CTNNBL1: variants seen among roughly 807,000 people sequenced by gnomAD.
The protein encoded by CTNNBL1 is catenin beta like 1, also known as beta-catenin-like protein 1.
In CTNNBL1, 31 loss-of-function variants were observed where a neutral mutation model predicts 72.7. The ratio of observed to expected loss-of-function variants is 0.43; its 90% CI spans 0.32 to 0.58. The LOEUF is 0.58. Among genes scored for constraint, CTNNBL1 ranks in the 20% least tolerant of loss-of-function variants. The pLI is 0.08. For missense variants in CTNNBL1, 534 were observed against 725.1 expected (o/e 0.74, Z 3.03); for synonymous variants, 240 against 267.3 (o/e 0.90, Z 1.00).
intron 1 of CTNNBL1, among the ~76,000 whole-genome samples, chr20:37,725,440 G>A (rs1030324121): frequency 5.3e-5 from 8 of 151,782 alleles, no homozygotes; most frequent in Non-Finnish European, 1.0e-4. Flanking sequence ...GGGATTACAG[G>A]CACCCACCAC....
chr20:37,706,246 G>A (rs1008862873), intron 1 of CTNNBL1, among the ~76,000 whole-genome samples: 4 of 152,184 alleles, frequency 2.6e-5, no homozygotes, highest in East Asian at 1.9e-4. Context: ...TTAAGACAAC[G>A]ATGAAGTCTG....
chr20:37,733,884 C>G (rs1201544339), intron 2 of CTNNBL1, among the ~76,000 whole-genome samples: 1 of 152,170 alleles, frequency 6.6e-6, no homozygotes, highest in Non-Finnish European at 1.5e-5. Flanking sequence ...CTTTGGCACC[C>G]AGAGCAATAC....
chr20:37,776,594 A>G (rs540088045), intron 7 of CTNNBL1, among the ~76,000 whole-genome samples: 2 of 152,262 alleles, frequency 1.3e-5, no homozygotes, highest in South Asian at 4.1e-4. Flanking sequence ...ACCTTTATCC[A>G]GGGGGCAGTG....
chr20:37,705,883 T>C (rs2072881101), intron 1 of CTNNBL1, among the ~76,000 whole-genome samples: 6 of 152,200 alleles, frequency 3.9e-5, no homozygotes, highest in Admixed American at 3.9e-4. Flanking sequence ...TTCTCCAAGG[T>C]CAGCCATTTA....
chr20:37,840,260 T>C (rs2122812465), intron 12 of CTNNBL1, 61 bp downstream of exon 12: 1 of 1,257,442 alleles, frequency 8.0e-7, no homozygotes, highest in South Asian at 1.2e-5. Flanking sequence ...CTTTACCTGA[T>C]GTGATCTGAG....
chr20:37,812,754 A>G (rs1039362242), intron 11 of CTNNBL1, among the ~76,000 whole-genome samples: 4 of 152,222 alleles, frequency 2.6e-5, no homozygotes, highest in Non-Finnish European at 5.9e-5. Context: ...CTGCATTTCT[A>G]TTATGAGGTA....
rs74697605 is a variant in CTNNBL1 at position 37,833,677 on chromosome 20, T to C, written c.1214-6425T>C. Among the ~76,000 whole-genome samples the C allele has an allele frequency of 8.0e-3, 1,218 of 152,296 alleles. 12 individuals carry two copies. Among genetic ancestry groups the C allele is most frequent in the African/African-American group, 0.028 (1,167 of 41,558 alleles). On this transcript the variant is annotated intron_variant, in intron 11 of 15. Coordinates refer to ENST00000361383, the MANE Select transcript of CTNNBL1 (RefSeq NM_030877.5). ...AACTACCACATCCACCCCATCTGCATTGACAGCTCCATAACCATCCTTCAC... is the reference window on the plus strand; with the variant it reads ...AACTACCACATCCACCCCATCTGCACTGACAGCTCCATAACCATCCTTCAC...
intron 10 of CTNNBL1, among the ~76,000 whole-genome samples, chr20:37,787,016 C>T (rs2073681283): frequency 6.6e-6 from 1 of 151,744 alleles, no homozygotes; most frequent in Non-Finnish European, 1.5e-5. Context: ...ACTTTGTAAA[C>T]ATATTCCGTT....
intron 3 of CTNNBL1, among the ~76,000 whole-genome samples, chr20:37,742,960 C>T (rs1600457382): frequency 1.3e-5 from 2 of 152,024 alleles, no homozygotes; most frequent in East Asian, 3.9e-4. Context: ...TGCGCCACCA[C>T]ACCTAGTTAA....
At chr20:37,740,896 A>G (rs2073210172) in intron 3 of CTNNBL1, among the ~76,000 whole-genome samples, 1 of 152,180 alleles carries the variant, frequency 6.6e-6, no homozygotes, top group African/African-American at 2.4e-5. Flanking sequence ...GGGTCCTAGG[A>G]CTACACTTTG....
At chr20:37,779,018 T>G (rs1013517492) in intron 9 of CTNNBL1, among the ~76,000 whole-genome samples, 169 bp from the exon 10 acceptor site, 6 of 152,012 alleles carry the variant, frequency 3.9e-5, no homozygotes, top group African/African-American at 1.4e-4. Context: ...TTAATATATG[T>G]GAATCATTTA....
At chr20:37,850,132 A>G (rs1568810164) in intron 13 of CTNNBL1, among the ~76,000 whole-genome samples, 1 of 152,144 alleles carries the variant, frequency 6.6e-6, no homozygotes. Flanking sequence ...TTGCATCGCT[A>G]TCACAGAAGT....
chr20:37,712,661 C>T (rs2072949131), intron 1 of CTNNBL1, among the ~76,000 whole-genome samples: 1 of 152,226 alleles, frequency 6.6e-6, no homozygotes, highest in Admixed American at 6.5e-5. Flanking sequence ...AAGAACTGTT[C>T]CTAATGAAAG....
chr20:37,779,417 G>A, intron 10 of CTNNBL1, 82 bp downstream of exon 10: 1 of 1,494,788 alleles, frequency 6.7e-7, no homozygotes, highest in Non-Finnish European at 9.2e-7. Flanking sequence ...ATGTAGCTAT[G>A]ATCATTTATT....
At chr20:37,827,692 G>C (rs186092469) in intron 11 of CTNNBL1, among the ~76,000 whole-genome samples, 116 of 152,300 alleles carry the variant, frequency 7.6e-4, no homozygotes, top group African/African-American at 2.6e-3. Context: ...GATTGTGCTT[G>C]ATGCCTGTGC....
At chr20:37,814,411 T>G (rs2072036947) in intron 11 of CTNNBL1, among the ~76,000 whole-genome samples, 1 of 152,170 alleles carries the variant, frequency 6.6e-6, no homozygotes, top group Admixed American at 6.5e-5. Context: ...ATCTACCCAC[T>G]GTATCCACTC....
chr20:37,802,860 T>A lies in CTNNBL1; in HGVS notation c.1032-7T>A. 6.2e-7 allele frequency: 1 copy of A among 1,607,804 alleles called. No homozygotes were observed. Among genetic ancestry groups the A allele is most frequent in the Non-Finnish European group, 8.5e-7 (1 of 1,176,504 alleles). Reference sequence around the variant, plus strand: ...AATACCTTATCTGAAACCTCTTTTGTTCACAGGGAAAAGAAGATCTCCCGG... The same window carrying A: ...AATACCTTATCTGAAACCTCTTTTGATCACAGGGAAAAGAAGATCTCCCGG... On this transcript the variant is annotated splice_region_variant and splice_polypyrimidine_tract_variant and intron_variant, in intron 10 of 15. Transcript: ENST00000361383.
chr20:37,772,643 C>T lies in CTNNBL1; in HGVS notation c.750+4599C>T, dbSNP rs572770022. Among the ~76,000 whole-genome samples the T allele has an allele frequency of 2.4e-3, 361 of 152,286 alleles. 3 individuals are homozygous for T. Among genetic ancestry groups the T allele is most frequent in the Non-Finnish European group, 4.3e-3 (292 of 68,024 alleles). On this transcript the variant is annotated intron_variant, in intron 7 of 15. Transcript: ENST00000361383. Reference sequence around the variant, plus strand: ...GATTACAGGTGTAAGCCACTGCGCCCGGCCCAGTCTGAGTTTTAATAAGCC... The same window carrying T: ...GATTACAGGTGTAAGCCACTGCGCCTGGCCCAGTCTGAGTTTTAATAAGCC...
intron 15 of CTNNBL1, among the ~76,000 whole-genome samples, chr20:37,866,392 A>G (rs1030177550): frequency 1.3e-5 from 2 of 152,184 alleles, no homozygotes; most frequent in South Asian, 2.1e-4. Flanking sequence ...CAGGTTCACA[A>G]GCAAGCTCTG....
Sources: allele counts gnomAD v4.1 joint callset (sites outside exome capture counted in the v4.1 genomes callset), GRCh38; gene constraint gnomAD v4.1.1; transcripts MANE v1.5; gene names NCBI Gene and HGNC (gene_info 2026-07-23, HGNC 2026-07-21).